Variants in ARL15 observed in about 807,000 individuals in gnomAD.
ARL15 encodes ADP-ribosylation factor-like protein 15.
ARL15 carries 19 observed loss-of-function variants against 25.2 expected under a neutral mutation model. The observed-to-expected ratio is 0.75, with a 90% CI of 0.53 to 1.10. The LOEUF is 1.10. Ranked by LOEUF, ARL15 falls within the 50% of genes least tolerant of loss-of-function variation. ARL15 has a pLI of 0.00. For missense variants in ARL15, 220 were observed against 246.0 expected, an observed-to-expected ratio of 0.89 and a Z score of 0.71; for synonymous variants, 94 against 86.8, an observed-to-expected ratio of 1.08 and a Z score of -0.46.
At chr5:54,127,115 T>C (rs868074466) in intron 3 of ARL15, among the ~76,000 whole-genome samples, 2 of 152,192 alleles carry the variant, frequency 1.3e-5, no homozygotes, top group African/African-American at 4.8e-5. Context: ...GTTCTTGCGA[T>C]AGTTTACTGA....
intron 3 of ARL15, among the ~76,000 whole-genome samples, chr5:54,123,537 A>G (rs942836020): frequency 6.6e-6 from 1 of 152,226 alleles, no homozygotes; most frequent in African/African-American, 2.4e-5. Context: ...ATTTTTAAAG[A>G]GGATGCTAGT....
chr5:53,945,683 T>C (rs1746702320), intron 4 of ARL15, among the ~76,000 whole-genome samples: 1 of 152,240 alleles, frequency 6.6e-6, no homozygotes, highest in African/African-American at 2.4e-5. Context: ...AAAAGGTTTA[T>C]ATAATCTAAA....
chr5:54,087,834 C>T (rs1308789286), intron 4 of ARL15, among the ~76,000 whole-genome samples: 1 of 63,836 alleles, frequency 1.6e-5, no homozygotes, highest in African/African-American at 4.3e-5. Context: ...TGACACCATG[C>T]CCGACTAATT....
intron 4 of ARL15, among the ~76,000 whole-genome samples, chr5:54,057,325 C>T (rs1750909802): frequency 6.6e-6 from 1 of 152,118 alleles, no homozygotes. Flanking sequence ...CTTTCTGAAG[C>T]CTCTAAAAAT....
intron 4 of ARL15, among the ~76,000 whole-genome samples, chr5:53,994,379 G>A (rs1025948783): frequency 3.5e-4 from 53 of 152,230 alleles, no homozygotes; most frequent in African/African-American, 1.2e-3. Context: ...CTAACAAACC[G>A]AGTGTTTCAG....
chr5:54,002,278 C>A (rs749353111), intron 4 of ARL15, among the ~76,000 whole-genome samples: 2 of 152,058 alleles, frequency 1.3e-5, no homozygotes, highest in Non-Finnish European at 2.9e-5. Flanking sequence ...AGACATCAGT[C>A]GTCCTCTAAA....
rs181073176 is a variant in ARL15 at position 54,021,871 on chromosome 5, G to T, written c.462+91331C>A. 2.6e-5 allele frequency among the ~76,000 whole-genome samples: 4 copies of T among 152,132 alleles called. No homozygotes were observed. The East Asian group carries it at 7.7e-4, about 29-fold the overall frequency. Reference sequence around the variant, plus strand: ...GAAATTTCTGAAAAATAAAGACAAAGAAAAAGCTTCAAAGCAGCAGGGCAG... The same window carrying T: ...GAAATTTCTGAAAAATAAAGACAAATAAAAAGCTTCAAAGCAGCAGGGCAG... On this transcript the variant is annotated intron_variant, in intron 4 of 4. Coordinates refer to ENST00000504924, the MANE Select transcript of ARL15 (RefSeq NM_019087.3).
intron 4 of ARL15, among the ~76,000 whole-genome samples, chr5:53,901,690 C>T (rs1175490421): frequency 1.3e-5 from 2 of 151,590 alleles, no homozygotes; most frequent in African/African-American, 2.4e-5. Context: ...GGGTGCACAT[C>T]CTGATATTAC....
At chr5:54,105,517 T>C (rs910999088) in intron 4 of ARL15, among the ~76,000 whole-genome samples, 1 of 152,200 alleles carries the variant, frequency 6.6e-6, no homozygotes, top group Non-Finnish European at 1.5e-5. Flanking sequence ...ATATAAGAAT[T>C]TTTTAAAATC....
intron 1 of ARL15, among the ~76,000 whole-genome samples, chr5:54,217,565 A>C (rs1419010241): frequency 1.3e-5 from 2 of 152,120 alleles, no homozygotes; most frequent in African/African-American, 4.8e-5. Flanking sequence ...CTTCATCTAC[A>C]AGTTAGTTGT....
chr5:54,028,017 T>C (rs959963061), intron 4 of ARL15, among the ~76,000 whole-genome samples: 4 of 151,992 alleles, frequency 2.6e-5, no homozygotes, highest in Non-Finnish European at 5.9e-5. Context: ...CCTGGGTTCA[T>C]GCCATTCATT....
intron 1 of ARL15, among the ~76,000 whole-genome samples, chr5:54,191,703 C>T (rs1344955637): frequency 6.6e-6 from 1 of 152,066 alleles, no homozygotes; most frequent in Non-Finnish European, 1.5e-5. Context: ...TATACAGACT[C>T]CAACTACTTC....
intron 4 of ARL15, among the ~76,000 whole-genome samples, chr5:54,000,521 G>A (rs1422875653): frequency 6.6e-6 from 1 of 152,164 alleles, no homozygotes; most frequent in African/African-American, 2.4e-5. Context: ...AGAAAGATGT[G>A]TCATAAATAT....
rs3776696 is a variant in ARL15, at chr5:54,042,796, G to C, written c.462+70406C>G. ...TCTCTAACTTCCCTGAGAGTGCCTC[G>C]GGTGTCACCAAGTGGGGGTGGGGTG... On this transcript the variant is annotated intron_variant, in intron 4 of 4. Transcript: ENST00000504924. Among the ~76,000 whole-genome samples, 28 of 152,146 alleles carry C rather than the reference G, an allele frequency of 1.8e-4. No individual in the cohort carries two copies. The East Asian group carries it at 4.6e-3, about 25-fold the overall frequency.
intron 1 of ARL15, among the ~76,000 whole-genome samples, chr5:54,184,183 G>T (rs1755154631): frequency 7.4e-6 from 1 of 134,614 alleles, no homozygotes; most frequent in African/African-American, 2.8e-5. Flanking sequence ...ACACCAGCAT[G>T]GCACATGTAT....
chr5:54,244,799 TAAAA>T (rs10560131), intron 1 of ARL15, among the ~76,000 whole-genome samples: 25 of 148,660 alleles, frequency 1.7e-4, no homozygotes, highest in African/African-American at 6.0e-4. Context: ...AAGGTAGCCA[TAAAA>T]AAAAAAAACA....
chr5:54,223,777 G>A (rs188143200), intron 1 of ARL15, among the ~76,000 whole-genome samples: 5 of 152,058 alleles, frequency 3.3e-5, no homozygotes, highest in East Asian at 3.9e-4. Context: ...CTACCTCCAC[G>A]GTCTGTCTGA....
At chr5:54,308,428 G>A (rs1335439978) in intron 1 of ARL15, among the ~76,000 whole-genome samples, 3 of 152,168 alleles carry the variant, frequency 2.0e-5, no homozygotes, top group Non-Finnish European at 2.9e-5. Flanking sequence ...GTAAAACTAA[G>A]ATGTATGGCA....
At chr5:53,956,882 G>C (rs1018841377) in intron 4 of ARL15, among the ~76,000 whole-genome samples, 1 of 151,920 alleles carries the variant, frequency 6.6e-6, no homozygotes, top group African/African-American at 2.4e-5. Flanking sequence ...CATGAAGATA[G>C]GTCCACTGCA....
Sources: allele counts gnomAD v4.1 joint callset (sites outside exome capture counted in the v4.1 genomes callset), GRCh38; gene constraint gnomAD v4.1.1; transcripts MANE v1.5; gene names NCBI Gene and HGNC (gene_info 2026-07-23, HGNC 2026-07-21).